Variants in TRAP1 observed in about 807,000 individuals in gnomAD.
TRAP1 encodes TNF receptor associated protein 1.
A neutral mutation model predicts 89.1 loss-of-function variants in TRAP1; 102 were observed. That is an observed-to-expected ratio of 1.15 (90% confidence interval 0.98 to 1.35). The LOEUF is 1.35. Ranked by LOEUF, TRAP1 falls within the 40% of genes most tolerant of loss-of-function variation. The probability of loss-of-function intolerance (pLI) is 0.00; values close to 1 mark genes in which losing one functional copy is unlikely to be tolerated. For synonymous variants in TRAP1, 508 were observed against 388.0 expected (o/e 1.31, Z -3.64); for missense variants, 1,256 against 945.3 (o/e 1.33, Z -4.31).
chr16:3,693,870 G>A (rs2051250270), intron 1 of TRAP1, among the ~76,000 whole-genome samples: 2 of 152,092 alleles, frequency 1.3e-5, no homozygotes, highest in African/African-American at 4.8e-5. Context: ...GTGTGCACCT[G>A]TAGTCCCAGC....
At chr16:3,701,003 G>A (rs72760806) in intron 1 of TRAP1, among the ~76,000 whole-genome samples, 1 of 151,988 alleles carries the variant, frequency 6.6e-6, no homozygotes, top group Non-Finnish European at 1.5e-5. Context: ...CTAATTATAA[G>A]GCAAGGATTG....
chr16:3,677,559 C>T lies in TRAP1; in HGVS notation c.643G>A (p.Val215Met), dbSNP rs189944117. Reference sequence around the variant, plus strand: ...GCTGCCGAGCGGGAATAGACCTCCACTCTGTCAGCCACCATGAAAGCTGAG... The same window carrying T: ...GCTGCCGAGCGGGAATAGACCTCCATTCTGTCAGCCACCATGAAAGCTGAG... ...FYSAFMVADR[V>M]EVYSRSAAPG... Residue 215 changes from valine (V) to methionine (M), a missense_variant, in exon 6 of 18, where the codon GTG (valine) becomes ATG (methionine). Coordinates refer to ENST00000246957, the MANE Select transcript of TRAP1 (RefSeq NM_016292.3). 13 of 1,614,208 alleles carry T rather than the reference C, an allele frequency of 8.1e-6. No individual in the cohort carries two copies. The highest frequency in any genetic ancestry group is 3.3e-4 in the Middle Eastern group (2 of 6,062).
chr16:3,667,041 A>C (rs2050842132), intron 11 of TRAP1, among the ~76,000 whole-genome samples: 1 of 152,198 alleles, frequency 6.6e-6, no homozygotes, highest in Admixed American at 6.5e-5. Context: ...TCCTTCAGCC[A>C]CAGGGCAGAA....
chr16:3,713,597 G>C (rs141073140), intron 1 of TRAP1, among the ~76,000 whole-genome samples: 8 of 152,340 alleles, frequency 5.3e-5, no homozygotes, highest in African/African-American at 1.9e-4. Context: ...GCAATTTCAC[G>C]AAAACAAGAG....
intron 16 of TRAP1, chr16:3,660,302 T>C (rs1175634826): frequency 6.6e-6 from 1 of 152,238 alleles, no homozygotes; most frequent in East Asian, 1.9e-4. Flanking sequence ...CAGTTTTGAA[T>C]TCTGAACTAT....
chr16:3,679,677 C>A (rs113653302), intron 5 of TRAP1, 42 bp downstream of exon 5: 2 of 1,609,782 alleles, frequency 1.2e-6, no homozygotes, highest in Admixed American at 1.7e-5. Flanking sequence ...ATCCTTGCAC[C>A]CTGAGGGGAA....
chr16:3,717,169 A>AC (rs1202786505), intron 1 of TRAP1, among the ~76,000 whole-genome samples: 1 of 151,554 alleles, frequency 6.6e-6, no homozygotes, highest in Admixed American at 6.6e-5. Context: ...CGACCCCGCG[A>AC]CCCCCCAAGA....
intron 13 of TRAP1, 23 bp downstream of exon 13, chr16:3,664,251 C>T (rs1044079322): frequency 5.8e-6 from 9 of 1,540,002 alleles, no homozygotes; most frequent in South Asian, 1.2e-5. Flanking sequence ...CCCCGGAGCC[C>T]GCCCCACCCA....
At chr16:3,683,440 C>T (rs1437367832) in intron 4 of TRAP1, among the ~76,000 whole-genome samples, 1 of 149,378 alleles carries the variant, frequency 6.7e-6, no homozygotes, top group Non-Finnish European at 1.5e-5. Flanking sequence ...AGCTAGAGTG[C>T]AATGGCGCGA....
At position 3,690,873 on chromosome 16, in the gene TRAP1, C is replaced by G; in HGVS notation, c.201G>C (p.Lys67Asn). 2 of 1,583,068 alleles carry G rather than the reference C, an allele frequency of 1.3e-6. No homozygotes were observed. The highest frequency in any genetic ancestry group is 1.7e-6 in the Non-Finnish European group (2 of 1,164,836). ...TGATAATCGAGTGCAGGGGTTCCTC[C>G]TTGTCCTCGGCGGTCTGCGTGCTGA... ...RLFSTQTAED[K>N]EEPLHSIISS... Residue 67 changes from lysine (K) to asparagine (N), a missense_variant, in exon 2 of 18, where the codon AAG becomes AAC. By Grantham distance (94) the Lys-to-Asn change is moderately conservative. Transcript: ENST00000246957.
At chr16:3,675,526 C>G (rs1278991009) in intron 7 of TRAP1, 129 bp from the exon 8 acceptor site, 1 of 833,728 alleles carries the variant, frequency 1.2e-6, no homozygotes, top group Non-Finnish European at 1.9e-6. Context: ...TTCACAGGTA[C>G]AGAAACAGGG....
Position 3,674,369 on chromosome 16 carries a change from G to A in TRAP1, c.1014C>T (p.Asn338=), listed in dbSNP as rs1444604100. The A allele has an allele frequency of 1.9e-6, 3 of 1,614,108 alleles. No individual in the cohort carries two copies. The highest frequency in any genetic ancestry group is 2.2e-5 in the East Asian group (1 of 44,886). ...CGGGCACGTAGAAGATGCTGCGGAT[G>A]TTGAGCGGTGCGTCCGTCTTATAGT... ...TLHYKTDAPL[N]IRSIFYVPDM... The change falls in exon 9 of 18, where the codon AAC becomes AAT. Residue 338 remains asparagine (N), a synonymous_variant. Transcript: ENST00000246957.
intron 13 of TRAP1, 22 bp downstream of exon 13, chr16:3,664,252 G>GC (rs1958094809): frequency 6.9e-7 from 1 of 1,456,298 alleles, no homozygotes; most frequent in African/African-American, 1.4e-5. Context: ...CCCGGAGCCC[G>GC]CCCCACCCAC....
At position 3,679,709 on chromosome 16, in the gene TRAP1, C is replaced by A. The variant is rs1421530664; in HGVS notation, c.543+10G>T. The stretch of plus-strand genomic sequence containing the variant: ...GGAAGGGGGAGGCTGTGTGGGGGCC[C>A]CACGCTTACCTTTGACCCCGATCTG... On this transcript the variant is annotated intron_variant, in intron 5 of 17. Coordinates refer to ENST00000246957, the MANE Select transcript of TRAP1 (RefSeq NM_016292.3). 6.2e-7 allele frequency: 1 copy of A among 1,614,016 alleles called. No individual in the cohort carries two copies. The highest frequency in any genetic ancestry group is 1.7e-5 in the Admixed American group (1 of 60,026).
At chr16:3,677,741 C>T (rs751262476) in intron 5 of TRAP1, 83 bp from the exon 6 acceptor site, 158 of 1,475,170 alleles carry the variant, frequency 1.1e-4, no homozygotes, top group Middle Eastern at 1.9e-4. Flanking sequence ...CTGCGAGCAC[C>T]GCTAAGACCC....
chr16:3,681,527 G>A (rs927757704), intron 4 of TRAP1, among the ~76,000 whole-genome samples: 1 of 152,188 alleles, frequency 6.6e-6, no homozygotes, highest in African/African-American at 2.4e-5. Flanking sequence ...GGCACCAAGA[G>A]GCTTCTGGGC....
intron 6 of TRAP1, chr16:3,676,388 G>A (rs556550683): frequency 1.9e-5 from 4 of 212,340 alleles, no homozygotes; most frequent in Non-Finnish European, 3.6e-5. Flanking sequence ...GGGGGCGGGG[G>A]TCCTCCACCG....
chr16:3,696,112 C>T (rs1352887272), intron 1 of TRAP1, among the ~76,000 whole-genome samples: 2 of 152,198 alleles, frequency 1.3e-5, no homozygotes, highest in Non-Finnish European at 2.9e-5. Flanking sequence ...CCAGTTTCAG[C>T]ACTCTAAAGT....
chr16:3,697,010 G>A (rs1030015310), intron 1 of TRAP1, among the ~76,000 whole-genome samples: 2 of 152,166 alleles, frequency 1.3e-5, no homozygotes, highest in Non-Finnish European at 2.9e-5. Flanking sequence ...AGAGCCGTAA[G>A]ACACCACGCC....
Sources: gnomAD v4.1 joint callset for allele counts (sites outside exome capture counted in the v4.1 genomes callset) on GRCh38, gnomAD v4.1.1 for gene constraint, MANE v1.5 for transcripts, NCBI Gene and HGNC (gene_info 2026-07-23, HGNC 2026-07-21) for gene names.